HECW1: variants seen among roughly 807,000 people sequenced by gnomAD.
HECW1 encodes HECT, C2 and WW domain containing E3 ubiquitin protein ligase 1, also known as E3 ubiquitin-protein ligase HECW1.
A neutral mutation model predicts 182.3 loss-of-function variants in HECW1; 61 were observed. The ratio of observed to expected loss-of-function variants is 0.33; its 90% CI spans 0.27 to 0.41. HECW1 has a LOEUF of 0.41. HECW1 is among the 10% of genes least tolerant of loss of function. The pLI is 1.00. For synonymous variants in HECW1, 859 were observed against 832.6 expected, an observed-to-expected ratio of 1.03 and a Z score of -0.55; for missense variants, 1,739 against 2,108.9, an observed-to-expected ratio of 0.82 and a Z score of 3.44.
chr7:43,407,476 G>T (rs2075649945), intron 7 of HECW1, 86 bp from the exon 8 acceptor site: 3 of 951,464 alleles, frequency 3.2e-6, no homozygotes, highest in Non-Finnish European at 3.2e-6. Flanking sequence ...AGGGCCAATG[G>T]TCCTCTCATG....
rs538791508 is a variant in HECW1, at chr7:43,331,049, A to G, written c.460+10307A>G. Among the ~76,000 whole-genome samples, 7 of 152,058 alleles carry G rather than the reference A, an allele frequency of 4.6e-5. No individual in the cohort carries two copies. The East Asian group carries it at 1.2e-3, about 25-fold the overall frequency. Reference sequence around the variant, plus strand: ...TGTGCACAACGTGCAGGTTTGTTACATACGTATACATGTGCCATGTTGGTG... The same window carrying G: ...TGTGCACAACGTGCAGGTTTGTTACGTACGTATACATGTGCCATGTTGGTG... On this transcript the variant is annotated intron_variant, in intron 5 of 29. Transcript: ENST00000395891.
At chr7:43,137,307 G>A (rs1787649342) in intron 2 of HECW1, among the ~76,000 whole-genome samples, 1 of 152,124 alleles carries the variant, frequency 6.6e-6, no homozygotes, top group Admixed American at 6.5e-5. Flanking sequence ...AGGAGCTGCT[G>A]TCTCTTCCCT....
rs2076981282 is a variant in HECW1, at chr7:43,444,447, A to G, written c.1275A>G (p.Ala425=). 1.2e-6 allele frequency: 2 copies of G among 1,613,674 alleles called. No homozygotes were observed. Among genetic ancestry groups the G allele is most frequent in the African/African-American group, 1.3e-5 (1 of 74,934 alleles). The change falls in exon 11 of 30, where the codon GCA becomes GCG. Residue 425 remains alanine (A), a synonymous_variant. Coordinates refer to ENST00000395891, the MANE Select transcript of HECW1 (RefSeq NM_015052.5). This position sits in a 1 kb window ranked among gnomAD's most constrained non-coding sequence, Gnocchi z 4.3. ...PAEEAAVITE[A]GDQGMVSVGP... ...AGGAAGCAGCAGTCATCACGGAGGCAGGAGACCAGGGCATGGTCTCTGTGG... is the reference window on the plus strand; with the variant it reads ...AGGAAGCAGCAGTCATCACGGAGGCGGGAGACCAGGGCATGGTCTCTGTGG...
At chr7:43,501,132 C>T (rs1169237066) in intron 20 of HECW1, 81 bp from the exon 21 acceptor site, 5 of 747,920 alleles carry the variant, frequency 6.7e-6, no homozygotes, top group South Asian at 5.2e-5. Context: ...GTGCTGCTAC[C>T]CCAATTCGTG....
intron 6 of HECW1, among the ~76,000 whole-genome samples, chr7:43,366,447 A>G (rs1816665635): frequency 6.6e-6 from 1 of 152,234 alleles, no homozygotes; most frequent in Admixed American, 6.5e-5. Flanking sequence ...TCAAGTCATA[A>G]TAAAGCAACT....
intron 24 of HECW1, among the ~76,000 whole-genome samples, chr7:43,535,568 A>T (rs1256033751): frequency 6.6e-6 from 1 of 152,232 alleles, no homozygotes; most frequent in African/African-American, 2.4e-5. Context: ...GATAAGGATG[A>T]AAAACATATA....
chr7:43,445,295 A>G lies in HECW1; in HGVS notation c.2123A>G (p.Tyr708Cys). 2 of 1,613,582 alleles carry G rather than the reference A, an allele frequency of 1.2e-6. No individual in the cohort carries two copies. The highest frequency in any genetic ancestry group is 1.7e-6 in the Non-Finnish European group (2 of 1,180,012). ...YSASCYSPSC[Y>C]NGNRFASHTR... ...GCCTCGTGCTACAGCCCCTCCTGCT[A>G]CAACGGCAACAGGTTCGCCAGCCAC... Residue 708 changes from tyrosine (Y) to cysteine (C), a missense_variant, in exon 11 of 30, where the codon TAC becomes TGC. By Grantham distance (194) the Tyr-to-Cys change is radical (BLOSUM62 -2). This residue lies in a region of HECW1 where 971 missense variants were observed against 1,029.1 expected (regional missense o/e 0.94). Coordinates refer to ENST00000395891, the MANE Select transcript of HECW1 (RefSeq NM_015052.5).
chr7:43,180,644 C>T (rs1448481459), intron 2 of HECW1, among the ~76,000 whole-genome samples: 3 of 152,244 alleles, frequency 2.0e-5, no homozygotes, highest in Non-Finnish European at 4.4e-5. Context: ...ATCCACCCGC[C>T]TTGGCCTCCC....
At chr7:43,557,388 CA>C (rs1165059084) in intron 29 of HECW1, among the ~76,000 whole-genome samples, 3 of 152,232 alleles carry the variant, frequency 2.0e-5, no homozygotes, top group Non-Finnish European at 4.4e-5. Context: ...GGTCATAGCC[CA>C]GGCTACATAA....
chr7:43,507,493 G>A (rs1255933721), intron 22 of HECW1, among the ~76,000 whole-genome samples: 1 of 152,040 alleles, frequency 6.6e-6, no homozygotes, highest in African/African-American at 2.4e-5. Context: ...AGAAAGAACA[G>A]AAGATTTTAG....
rs563344775 is a variant in HECW1, at chr7:43,564,771, A to G, written c.*2845A>G. The stretch of plus-strand genomic sequence containing the variant: ...AATTATATATAATTTTTCATTCAAT[A>G]TGTATATGAAATGAAATAGCTATAG... On this transcript the variant is annotated 3_prime_UTR_variant, in exon 30 of 30. Transcript: ENST00000395891. The G allele has an allele frequency of 1.7e-5, 3 of 180,368 alleles. No individual in the cohort carries two copies. Among genetic ancestry groups the G allele is most frequent in the Non-Finnish European group, 3.6e-5 (3 of 84,284 alleles). The allele number at this position is 180,368 out of a possible 1,614,324, so 11.2% of individuals were successfully genotyped here. A position where few individuals can be genotyped will look rare whatever the true frequency, so the allele number is the denominator to read the frequency against.
intron 2 of HECW1, among the ~76,000 whole-genome samples, chr7:43,127,886 T>TC (rs1288689972): frequency 6.6e-6 from 1 of 151,662 alleles, no homozygotes; most frequent in East Asian, 1.9e-4. Context: ...GATTTTCCTT[T>TC]TTTTTTTTTA....
chr7:43,502,061 G>A (rs929945026), intron 21 of HECW1, among the ~76,000 whole-genome samples: 2 of 152,142 alleles, frequency 1.3e-5, no homozygotes, highest in African/African-American at 4.8e-5. Flanking sequence ...GCAGAAAAAG[G>A]TTACTGTCCC....
intron 2 of HECW1, among the ~76,000 whole-genome samples, chr7:43,130,760 G>A (rs1786824260): frequency 6.6e-6 from 1 of 152,164 alleles, no homozygotes; most frequent in Admixed American, 6.5e-5. Flanking sequence ...GGCACATGAG[G>A]TCCATTGTGG....
chr7:43,191,621 T>C (rs887598013), intron 2 of HECW1, among the ~76,000 whole-genome samples: 7 of 152,214 alleles, frequency 4.6e-5, no homozygotes, highest in Non-Finnish European at 1.0e-4. Flanking sequence ...GCATATATGA[T>C]CAATTCTGCC....
At chr7:43,416,887 C>A (rs534715561) in intron 8 of HECW1, among the ~76,000 whole-genome samples, 2 of 151,968 alleles carry the variant, frequency 1.3e-5, no homozygotes, top group South Asian at 4.2e-4. Context: ...TGCTTCGGCT[C>A]GAGCACGGTG....
intron 2 of HECW1, chr7:43,239,001 A>C (rs1181425682): frequency 6.6e-6 from 1 of 152,250 alleles, no homozygotes; most frequent in Non-Finnish European, 1.5e-5. Context: ...TTGGATCAAA[A>C]CAAGGGACTG....
At chr7:43,290,590 C>A (rs7794383) in intron 3 of HECW1, among the ~76,000 whole-genome samples, 1 of 152,140 alleles carries the variant, frequency 6.6e-6, no homozygotes, top group East Asian at 1.9e-4. Context: ...TTTTCAGGTT[C>A]CTCTGGGGTC....
intron 2 of HECW1, among the ~76,000 whole-genome samples, chr7:43,168,674 G>T (rs78512367): frequency 0.045 from 6,868 of 151,876 alleles, 247 homozygotes; most frequent in East Asian, 0.15. Context: ...ATAATAATAA[G>T]AATAATAATA....
Sources: allele counts gnomAD v4.1 joint callset (sites outside exome capture counted in the v4.1 genomes callset), GRCh38; gene constraint gnomAD v4.1.1; regional missense constraint gnomAD v4.1.1; non-coding constraint Gnocchi (gnomAD v3.1); transcripts MANE v1.5; gene names NCBI Gene and HGNC (gene_info 2026-07-23, HGNC 2026-07-21).